DOCK8: variants seen among roughly 807,000 people sequenced by gnomAD.
The protein encoded by DOCK8 is dedicator of cytokinesis protein 8.
In DOCK8, 141 loss-of-function variants were observed where a neutral mutation model predicts 245.6. That is an observed-to-expected ratio of 0.57 (90% CI 0.50 to 0.66). DOCK8 has a LOEUF of 0.66. Ranked by LOEUF, DOCK8 falls within the 30% of genes least tolerant of loss-of-function variation. DOCK8 has a pLI of 0.00. For missense variants in DOCK8, 2,965 were observed against 2,603.4 expected (o/e 1.14, Z -3.02); for synonymous variants, 1,168 against 970.2 (o/e 1.20, Z -3.79).
intron 1 of DOCK8, among the ~76,000 whole-genome samples, chr9:234,303 G>A (rs1376245643): frequency 1.3e-5 from 2 of 152,168 alleles, no homozygotes; most frequent in Non-Finnish European, 2.9e-5. Flanking sequence ...TGGGTAACCC[G>A]ACCTTTCTCT....
intron 6 of DOCK8, chr9:312,583 A>G (rs2130704795): frequency 5.4e-6 from 2 of 370,106 alleles, no homozygotes; most frequent in Non-Finnish European, 1.1e-5. Flanking sequence ...CTTTCTTTTT[A>G]ATGGTCTCTA....
At chr9:394,881 A>G (rs1375125819) in intron 24 of DOCK8, among the ~76,000 whole-genome samples, 2 of 152,204 alleles carry the variant, frequency 1.3e-5, no homozygotes, top group Non-Finnish European at 2.9e-5. Context: ...GACAGTCTGG[A>G]AAGAGGCCAT....
chr9:276,555 T>C (rs1351837850), intron 2 of DOCK8, among the ~76,000 whole-genome samples: 1 of 152,210 alleles, frequency 6.6e-6, no homozygotes, highest in Non-Finnish European at 1.5e-5. Flanking sequence ...GTTTTCTAGA[T>C]GTGATGATAA....
chr9:435,088 TG>T, intron 39 of DOCK8, 113 bp downstream of exon 39: 1 of 1,259,186 alleles, frequency 7.9e-7, no homozygotes. Flanking sequence ...TTATCACAAC[TG>T]GGATGGGTGA....
intron 6 of DOCK8, among the ~76,000 whole-genome samples, chr9:313,265 G>A (rs1189147594): frequency 6.6e-6 from 1 of 152,158 alleles, no homozygotes; most frequent in African/African-American, 2.4e-5. Context: ...GAAGAAGCAC[G>A]CTTCTGCTGA....
intron 9 of DOCK8, among the ~76,000 whole-genome samples, chr9:329,959 C>T (rs145965624): frequency 6.6e-6 from 1 of 152,306 alleles, no homozygotes; most frequent in African/African-American, 2.4e-5. Flanking sequence ...TTTTCTTTAT[C>T]GTAATGCCAT....
chr9:328,046 C>G lies in DOCK8; in HGVS notation c.919C>G (p.Leu307Val), dbSNP rs560133135. Residue 307 changes from leucine to valine, a missense_variant, in exon 9 of 48, where the codon CTG becomes GTG. Around this residue, in one of 3 missense-constraint regions of DOCK8, gnomAD observed 2,825 missense variants for 2,453.5 expected, o/e 1.15. Transcript: ENST00000432829. ...GATCTCAGAAAATTTTCACTGTGAC[C>G]TGAACTCTGACCAGTTCAAAGGATT... ...KKISENFHCDLNSDQFKGFLR... is the reference protein window; with the variant it reads ...KKISENFHCDVNSDQFKGFLR... 3.7e-6 allele frequency: 6 copies of G among 1,614,156 alleles called. No individual in the cohort carries two copies. In the East Asian group the frequency reaches 8.9e-5, roughly 24 times the overall value.
At chr9:220,443 A>G (rs917745981) in intron 1 of DOCK8, among the ~76,000 whole-genome samples, 3 of 152,226 alleles carry the variant, frequency 2.0e-5, no homozygotes, top group South Asian at 2.1e-4. Context: ...AAGATGAAGA[A>G]CTCAGGGGAC....
intron 6 of DOCK8, among the ~76,000 whole-genome samples, chr9:316,248 G>C (rs1450171441): frequency 6.6e-6 from 1 of 152,230 alleles, no homozygotes; most frequent in Admixed American, 6.5e-5. Flanking sequence ...GCACTCACCA[G>C]TGTTTGGAAA....
At position 462,435 on chromosome 9, in the gene DOCK8, C is replaced by G. The variant is rs186908229; in HGVS notation, c.6069-1082C>G. On this transcript the variant is annotated intron_variant, in intron 46 of 47. Coordinates refer to ENST00000432829, the MANE Select transcript of DOCK8 (RefSeq NM_203447.4). Reference sequence around the variant, plus strand: ...GTTTTCATTCTGCCTCTCTGGACATCTTGCAGCATTTTTCTAAACCCTCTT... The same window carrying G: ...GTTTTCATTCTGCCTCTCTGGACATGTTGCAGCATTTTTCTAAACCCTCTT... 2.6e-5 allele frequency among the ~76,000 whole-genome samples: 4 copies of G among 152,344 alleles called. No individual in the cohort carries two copies. The East Asian group carries it at 7.7e-4, about 29-fold the overall frequency.
intron 15 of DOCK8, chr9:369,904 C>T (rs1164876723): frequency 2.3e-5 from 8 of 350,770 alleles, no homozygotes; most frequent in African/African-American, 4.2e-5. Context: ...TAGGCTCAAG[C>T]GATCCTCTTG....
chr9:248,499 C>G (rs757751963), intron 1 of DOCK8, among the ~76,000 whole-genome samples: 14 of 151,640 alleles, frequency 9.2e-5, no homozygotes, highest in Non-Finnish European at 1.9e-4. Context: ...TTTCTTCCTT[C>G]CTTGCCTCCT....
chr9:417,387 G>C (rs1274780640), intron 29 of DOCK8, among the ~76,000 whole-genome samples: 1 of 152,226 alleles, frequency 6.6e-6, no homozygotes, highest in African/African-American at 2.4e-5. Context: ...TGAAGGCCCA[G>C]ATGGCTGTAA....
intron 1 of DOCK8, among the ~76,000 whole-genome samples, chr9:249,986 T>A (rs785841): frequency 0.29 from 44,461 of 151,826 alleles, 6,842 homozygotes; most frequent in East Asian, 0.39. Flanking sequence ...AGCTCTATAA[T>A]GTTGCAGGTA....
At chr9:415,961 G>A (rs960659257) in intron 29 of DOCK8, among the ~76,000 whole-genome samples, 1 of 152,204 alleles carries the variant, frequency 6.6e-6, no homozygotes, top group African/African-American at 2.4e-5. Flanking sequence ...TTTAGTTCAT[G>A]AAAATGGGAC....
At chr9:262,142 T>G (rs1279524158) in intron 1 of DOCK8, among the ~76,000 whole-genome samples, 2 of 152,084 alleles carry the variant, frequency 1.3e-5, no homozygotes, top group African/African-American at 4.8e-5. Context: ...TTTCTTAGCA[T>G]CATTAGTCAT....
Position 352,349 on chromosome 9 carries a change from G to A in DOCK8, c.1679+12028G>A, listed in dbSNP as rs2052210158. 2.0e-5 allele frequency among the ~76,000 whole-genome samples: 3 copies of A among 152,254 alleles called. No homozygotes were observed. In the South Asian group the frequency reaches 6.2e-4, roughly 32 times the overall value. ...GAACAAAAGAGCCCAGAGAGAATAT[G>A]CTTATTTTATGCAACCTCTAACGTT... is the stretch of plus-strand genomic sequence containing the variant. On this transcript the variant is annotated intron_variant, in intron 14 of 47. Coordinates refer to ENST00000432829, the MANE Select transcript of DOCK8 (RefSeq NM_203447.4).
chr9:246,043 A>G (rs1446308696), intron 1 of DOCK8, among the ~76,000 whole-genome samples: 1 of 151,984 alleles, frequency 6.6e-6, no homozygotes, highest in East Asian at 1.9e-4. Flanking sequence ...AACATGGTGA[A>G]ACCTAGTCTC....
chr9:222,564 T>G (rs1278516181), intron 1 of DOCK8, among the ~76,000 whole-genome samples: 2 of 152,194 alleles, frequency 1.3e-5, no homozygotes, highest in African/African-American at 2.4e-5. Flanking sequence ...TTGCCAGTGT[T>G]GACCTCTTCT....
Sources: allele counts gnomAD v4.1 joint callset (sites outside exome capture counted in the v4.1 genomes callset), GRCh38; gene constraint gnomAD v4.1.1; regional missense constraint gnomAD v4.1.1; transcripts MANE v1.5; gene names NCBI Gene and HGNC (gene_info 2026-07-23, HGNC 2026-07-21).